Variants in DIAPH2 observed in about 807,000 individuals in gnomAD.
DIAPH2 encodes the protein protein diaphanous homolog 2.
Under a neutral mutation model 92.7 loss-of-function variants are expected in DIAPH2, and 35 were observed. That is an observed-to-expected ratio of 0.38 (90% CI 0.29 to 0.50). The LOEUF is 0.50. Ranked by LOEUF, DIAPH2 falls within the 20% of genes least tolerant of loss-of-function variation. DIAPH2 has a pLI of 0.94. For synonymous variants in DIAPH2, 301 were observed against 280.4 expected (o/e 1.07, Z -0.73); for missense variants, 701 against 819.5 (o/e 0.86, Z 1.77).
chrX:97,502,619 T>G (rs949127324), intron 26 of DIAPH2, among the ~76,000 whole-genome samples: 9 of 112,731 alleles, frequency 8.0e-5, no homozygotes, highest in Admixed American at 2.8e-4. Context: ...TGAGTTCTTT[T>G]AATAGATTTT....
intron 26 of DIAPH2, among the ~76,000 whole-genome samples, chrX:97,520,801 C>T (rs1240330276): frequency 1.8e-5 from 2 of 112,115 alleles, no homozygotes; most frequent in Non-Finnish European, 3.8e-5. Flanking sequence ...TATTATCTGA[C>T]GAAACACAGA....
At chrX:96,933,018 C>T (rs2065629505) in intron 10 of DIAPH2, among the ~76,000 whole-genome samples, 1 of 111,452 alleles carries the variant, frequency 9.0e-6, no homozygotes, top group South Asian at 3.8e-4. Flanking sequence ...TGCCCTGCTT[C>T]TCAGATCTCA....
intron 20 of DIAPH2, among the ~76,000 whole-genome samples, chrX:97,107,527 T>G (rs1245001198): frequency 2.7e-5 from 3 of 111,837 alleles, no homozygotes; most frequent in Non-Finnish European, 5.6e-5. Flanking sequence ...AAGATAACAG[T>G]CTTTACTTTA....
In DIAPH2 at chrX:96,881,599, A is replaced by C. The variant is rs754483675; in HGVS notation, c.468A>C (p.Lys156Asn). 3 of 1,203,960 alleles carry C rather than the reference A, an allele frequency of 2.5e-6. No individual in the cohort carries two copies. In the South Asian group the frequency reaches 5.4e-5, roughly 22 times the overall value. ...TATAGGGTGGGCTGAAAAACAGCAA[A>C]CATGAATGCACCCTGTCTTCACAAG... ...TAKSGGLKNSKHECTLSSQEY... is the reference protein window; with the variant it reads ...TAKSGGLKNSNHECTLSSQEY... The change falls in exon 5 of 27, where the codon AAA (lysine) becomes AAC (asparagine). Residue 156 changes from lysine (K) to asparagine (N), a missense_variant. Around this residue, in one of 3 missense-constraint regions of DIAPH2, gnomAD observed 131 missense variants for 145.6 expected, o/e 0.90. Transcript: ENST00000324765.
At chrX:96,777,992 A>C in intron 4 of DIAPH2, among the ~76,000 whole-genome samples, 1 of 105,301 alleles carries the variant, frequency 9.5e-6, no homozygotes. Flanking sequence ...TTAACTTGTC[A>C]TTTAGCATTA....
chrX:97,349,340 CA>C (rs1359353058), intron 24 of DIAPH2, among the ~76,000 whole-genome samples: 2 of 110,662 alleles, frequency 1.8e-5, no homozygotes, highest in Non-Finnish European at 3.8e-5. Flanking sequence ...CCACCTACCT[CA>C]GCCTACCAAA....
intron 25 of DIAPH2, among the ~76,000 whole-genome samples, chrX:97,424,890 G>A (rs775352202): frequency 8.9e-6 from 1 of 111,736 alleles, no homozygotes; most frequent in African/African-American, 3.3e-5. Flanking sequence ...CTGCCAAAGT[G>A]CTGGGATTAC....
intron 21 of DIAPH2, among the ~76,000 whole-genome samples, chrX:97,117,227 C>T (rs948916694): frequency 8.1e-5 from 9 of 110,546 alleles, no homozygotes; most frequent in Non-Finnish European, 1.7e-4. Flanking sequence ...GTATAGGATT[C>T]GAAGGATGTT....
intron 21 of DIAPH2, among the ~76,000 whole-genome samples, chrX:97,135,355 T>C (rs774147785): frequency 1.8e-4 from 20 of 110,562 alleles, no homozygotes; most frequent in African/African-American, 5.6e-4. Context: ...TGTGCCACCA[T>C]GCCCGGCTAA....
At chrX:97,378,299 C>A in intron 24 of DIAPH2, among the ~76,000 whole-genome samples, 1 of 109,519 alleles carries the variant, frequency 9.1e-6, no homozygotes, top group Middle Eastern at 4.6e-3. Context: ...GGGAGAATCG[C>A]TTGAACCCAG....
intron 4 of DIAPH2, among the ~76,000 whole-genome samples, chrX:96,759,564 A>G (rs1169725151): frequency 8.9e-6 from 1 of 112,010 alleles, no homozygotes; most frequent in Non-Finnish European, 1.9e-5. Context: ...TGTTCACCAT[A>G]AAATGCTTTA....
chrX:97,452,522 C>G (rs2070367603), intron 26 of DIAPH2, among the ~76,000 whole-genome samples: 1 of 111,462 alleles, frequency 9.0e-6, no homozygotes, highest in African/African-American at 3.3e-5. Context: ...TGGGTAGATT[C>G]TTATTCTCAA....
At chrX:97,573,797 A>T (rs2147875734) in intron 26 of DIAPH2, among the ~76,000 whole-genome samples, 1 of 108,237 alleles carries the variant, frequency 9.2e-6, no homozygotes, top group South Asian at 4.2e-4. Flanking sequence ...AGTAGATGGG[A>T]TTATAGGTGA....
intron 22 of DIAPH2, among the ~76,000 whole-genome samples, chrX:97,163,938 C>T (rs1602385701): frequency 8.9e-6 from 1 of 112,029 alleles, no homozygotes. Context: ...AACTTATTCA[C>T]CATTGTGTTT....
intron 17 of DIAPH2, among the ~76,000 whole-genome samples, chrX:97,004,949 T>C (rs1006268125): frequency 3.6e-5 from 4 of 112,071 alleles, no homozygotes; most frequent in African/African-American, 1.3e-4. Flanking sequence ...TGTCATATAA[T>C]AGCTCTTATT....
chrX:97,412,986 G>A (rs977329562), intron 25 of DIAPH2, among the ~76,000 whole-genome samples: 10 of 111,903 alleles, frequency 8.9e-5, no homozygotes, highest in Non-Finnish European at 1.9e-4. Context: ...ACAAAGAGGA[G>A]CTGGTACCAT....
At chrX:97,386,671 A>C (rs2069604204) in intron 25 of DIAPH2, among the ~76,000 whole-genome samples, 1 of 109,971 alleles carries the variant, frequency 9.1e-6, no homozygotes, top group Admixed American at 9.7e-5. Flanking sequence ...CTGTCTCAAA[A>C]TAAAAAAAAA....
intron 22 of DIAPH2, among the ~76,000 whole-genome samples, chrX:97,195,721 T>A (rs1159929189): frequency 2.8e-5 from 3 of 107,434 alleles, no homozygotes; most frequent in African/African-American, 1.0e-4. Flanking sequence ...ACAAAAAGTC[T>A]AAGCCCGCAC....
chrX:97,150,654 T>C (rs1481797293), intron 22 of DIAPH2, among the ~76,000 whole-genome samples: 1 of 111,885 alleles, frequency 8.9e-6, no homozygotes, highest in African/African-American at 3.2e-5. Flanking sequence ...TATTCTACCT[T>C]TCAATGGCTT....
Sources: allele counts gnomAD v4.1 joint callset (sites outside exome capture counted in the v4.1 genomes callset), GRCh38; gene constraint gnomAD v4.1.1; regional missense constraint gnomAD v4.1.1; transcripts MANE v1.5; gene names NCBI Gene and HGNC (gene_info 2026-07-23, HGNC 2026-07-21).